EN2: variants seen among roughly 807,000 people sequenced by gnomAD.
The protein encoded by EN2 is engrailed homeobox 2.
In EN2, 7 loss-of-function variants were observed where a neutral mutation model predicts 25.0. That is an observed-to-expected ratio of 0.28 (90% CI 0.16 to 0.53). The LOEUF is 0.53. Ranked by LOEUF, EN2 falls within the 20% of genes least tolerant of loss-of-function variation. The pLI is 0.96. For missense variants in EN2, 524 were observed against 501.8 expected, an observed-to-expected ratio of 1.04 and a Z score of -0.42; for synonymous variants, 277 against 243.3, an observed-to-expected ratio of 1.14 and a Z score of -1.29.
chr7:155,461,797 A>G (rs905652629), intron 1 of EN2, among the ~76,000 whole-genome samples: 1 of 152,152 alleles, frequency 6.6e-6, no homozygotes, highest in Non-Finnish European at 1.5e-5. Context: ...CTTGGCTGGG[A>G]GTCATAGAGG....
At chr7:155,459,150 G>A in intron 1 of EN2, 88 bp downstream of exon 1, 1 of 1,361,212 alleles carries the variant, frequency 7.3e-7, no homozygotes, top group East Asian at 2.8e-5. Flanking sequence ...CTTACCGGGA[G>A]GAAAACATCT....
Position 155,458,464 on chromosome 7 carries a change from G to A in EN2, c.87G>A (p.Ser29=), listed in dbSNP as rs1322836981. ...CGGAATCCAGCCCCGGCGGCGGCTC[G>A]GGCGGCGGCGGCGGTAGCAGCCCGG... ...RQPESSPGGG[S]GGGGGSSPGE... The change falls in exon 1 of 2, where the codon TCG becomes TCA. Residue 29 remains serine (S), a synonymous_variant. Transcript: ENST00000297375. The A allele has an allele frequency of 1.5e-6, 2 of 1,301,132 alleles. No individual in the cohort carries two copies. Among genetic ancestry groups the A allele is most frequent in the East Asian group, 3.1e-5 (1 of 31,904 alleles). The allele number at this position is 1,301,132 out of a possible 1,614,324, so 80.6% of individuals were successfully genotyped here. A position where few individuals can be genotyped will look rare whatever the true frequency, so the allele number is the denominator to read the frequency against.
chr7:155,461,903 A>G (rs540329349), intron 1 of EN2, among the ~76,000 whole-genome samples: 89 of 152,200 alleles, frequency 5.8e-4, no homozygotes, highest in Non-Finnish European at 1.1e-3. Flanking sequence ...GGGTATCCCC[A>G]TGAGGGTCCC....
At chr7:155,461,245 A>T (rs1795691944) in intron 1 of EN2, among the ~76,000 whole-genome samples, 1 of 152,210 alleles carries the variant, frequency 6.6e-6, no homozygotes, top group South Asian at 2.1e-4. Flanking sequence ...CCTAAAGCCG[A>T]TTCATACACC....
Position 155,458,217 on chromosome 7 carries a change from G to A in EN2, c.-161G>A. On this transcript the variant is annotated 5_prime_UTR_variant, in exon 1 of 2. Transcript: ENST00000297375. ...GGTGGCTCCGCGCCGAGCGCGGCCG[G>A]CGACTTGTAGGACCTCAGCCCTGGC... 1.0e-6 allele frequency: 1 copy of A among 1,003,040 alleles called. No individual in the cohort carries two copies. Among genetic ancestry groups the A allele is most frequent in the Non-Finnish European group, 1.3e-6 (1 of 769,766 alleles). 62.1% of individuals were successfully genotyped at this position (1,003,040 alleles called of 1,614,324 possible).
rs1795713705 is a variant in EN2 at position 155,462,937 on chromosome 7, T to C, written c.*250T>C. The C allele has an allele frequency of 5.1e-6, 2 of 388,816 alleles. No individual in the cohort carries two copies. The highest frequency in any genetic ancestry group is 7.2e-4 in the Middle Eastern group (1 of 1,388). 24.1% of individuals were successfully genotyped at this position (388,816 alleles called of 1,614,324 possible). On this transcript the variant is annotated 3_prime_UTR_variant, in exon 2 of 2. Transcript: ENST00000297375. Reference sequence around the variant, plus strand: ...GCTAATTTTATGGGTTTTTTTCTTTTTTGCGAAGGGGGCTGCTTAGGGTTT... The same window carrying C: ...GCTAATTTTATGGGTTTTTTTCTTTCTTGCGAAGGGGGCTGCTTAGGGTTT...
chr7:155,461,716 C>G (rs896954717), intron 1 of EN2, among the ~76,000 whole-genome samples: 1 of 152,152 alleles, frequency 6.6e-6, no homozygotes, highest in Non-Finnish European at 1.5e-5. Context: ...AGCTCAGTGC[C>G]CCTCCCCACC....
In EN2 at chr7:155,458,400, C is replaced by A; in HGVS notation, c.23C>A (p.Pro8His). 7.6e-7 allele frequency: 1 copy of A among 1,316,416 alleles called. No individual in the cohort carries two copies. The highest frequency in any genetic ancestry group is 9.7e-7 in the Non-Finnish European group (1 of 1,032,264). The allele number at this position is 1,316,416 out of a possible 1,614,324, so 81.5% of individuals were successfully genotyped here. Residue 8 changes from proline to histidine, a missense_variant, in exon 1 of 2, where the codon CCT (proline) becomes CAT (histidine). Pro to His is a moderately conservative substitution (Grantham distance 77). Coordinates refer to ENST00000297375, the MANE Select transcript of EN2 (RefSeq NM_001427.4). ...AGCATGGAGGAGAATGACCCCAAGC[C>A]TGGCGAAGCAGCGGCGGCGGTGGAG... MEENDPK[P>H]GEAAAAVEGQ...
chr7:155,459,738 C>A (rs1795673553), intron 1 of EN2, among the ~76,000 whole-genome samples: 1 of 152,244 alleles, frequency 6.6e-6, no homozygotes, highest in Non-Finnish European at 1.5e-5. Flanking sequence ...GGCTCAGCCC[C>A]CTTCCTGCAC....
chr7:155,459,696 C>G (rs1396657759), intron 1 of EN2, among the ~76,000 whole-genome samples: 1 of 152,400 alleles, frequency 6.6e-6, no homozygotes, highest in East Asian at 1.9e-4. Context: ...CTTGGCTCCA[C>G]TTTGTTTGCC....
At chr7:155,460,525 T>G (rs1405043842) in intron 1 of EN2, among the ~76,000 whole-genome samples, 1 of 152,252 alleles carries the variant, frequency 6.6e-6, no homozygotes, top group African/African-American at 2.4e-5. Flanking sequence ...CTAAAAATTA[T>G]TATTTTAGGG....
intron 1 of EN2, 147 bp downstream of exon 1, chr7:155,459,209 A>T: frequency 1.0e-6 from 1 of 965,680 alleles, no homozygotes; most frequent in Admixed American, 3.4e-5. Context: ...CATTGTGTGA[A>T]GCTGACGCCG....
intron 1 of EN2, among the ~76,000 whole-genome samples, chr7:155,460,922 C>G (rs1019511478): frequency 9.9e-5 from 15 of 152,184 alleles, no homozygotes; most frequent in African/African-American, 3.6e-4. Context: ...GCCCTTGGTG[C>G]TCCTGAGGTG....
rs558235587 is a variant in EN2 at position 155,461,513 on chromosome 7, T to C, written c.686-858T>C. On this transcript the variant is annotated intron_variant, in intron 1 of 1. Transcript: ENST00000297375. ...TCAGGTTCATAAGTCTGAATCCCAG[T>C]TGGGAGGCACAGTGGGGAGGGTCAG... Among the ~76,000 whole-genome samples, 8 of 152,248 alleles carry C rather than the reference T, an allele frequency of 5.3e-5. No individual in the cohort carries two copies. In the East Asian group the frequency reaches 7.7e-4, roughly 15 times the overall value.
intron 1 of EN2, among the ~76,000 whole-genome samples, chr7:155,460,747 C>T (rs1795685667): frequency 6.6e-6 from 1 of 152,156 alleles, no homozygotes; most frequent in African/African-American, 2.4e-5. Flanking sequence ...CCAACCCCAT[C>T]TCCAAATCTG....
intron 1 of EN2, among the ~76,000 whole-genome samples, chr7:155,459,754 G>A (rs1795673652): frequency 6.6e-6 from 1 of 152,222 alleles, no homozygotes; most frequent in Non-Finnish European, 1.5e-5. Flanking sequence ...TGCACACAGC[G>A]AGGACAAGGG....
chr7:155,459,189 A>T, intron 1 of EN2, 127 bp downstream of exon 1: 2 of 1,059,174 alleles, frequency 1.9e-6, no homozygotes, highest in African/African-American at 1.7e-5. Context: ...ACGCACAAAG[A>T]CTCACGCGAC....
At chr7:155,460,975 A>G (rs1795688342) in intron 1 of EN2, among the ~76,000 whole-genome samples, 1 of 152,090 alleles carries the variant, frequency 6.6e-6, no homozygotes, top group Admixed American at 6.5e-5. Flanking sequence ...TCCTGGAGAG[A>G]GCACAAGACT....
Position 155,458,826 on chromosome 7 carries a change from C to T in EN2, c.449C>T (p.Ser150Phe). ...GGPLPAAGSD[S>F]PGDGEGGSKT... ...CCGCTCCCAGCCGCCGGCAGCGACT[C>T]TCCGGGTGACGGGGAAGGCGGCTCC... Residue 150 changes from serine to phenylalanine, a missense_variant, in exon 1 of 2, where the codon TCT becomes TTT. Ser to Phe is a radical substitution (Grantham distance 155, BLOSUM62 -2). Coordinates refer to ENST00000297375, the MANE Select transcript of EN2 (RefSeq NM_001427.4). The T allele has an allele frequency of 6.9e-7, 1 of 1,453,304 alleles. No homozygotes were observed. Among genetic ancestry groups the T allele is most frequent in the South Asian group, 1.4e-5 (1 of 72,882 alleles). The allele number at this position is 1,453,304 out of a possible 1,614,324, so 90.0% of individuals were successfully genotyped here.
Sources: gnomAD v4.1 joint callset for allele counts (sites outside exome capture counted in the v4.1 genomes callset) on GRCh38, gnomAD v4.1.1 for gene constraint, MANE v1.5 for transcripts, NCBI Gene and HGNC (gene_info 2026-07-23, HGNC 2026-07-21) for gene names.